ZNF804A: variants seen among roughly 807,000 people sequenced by gnomAD.
ZNF804A encodes zinc finger protein 804A.
Under a neutral mutation model 16.5 loss-of-function variants are expected in ZNF804A, and 2 were observed. The ratio of observed to expected loss-of-function variants is 0.12; its 90% CI spans 0.05 to 0.38. The LOEUF (loss-of-function observed/expected upper bound fraction) is 0.38, where lower values mean the gene tolerates loss of function less well. Among genes scored for constraint, ZNF804A ranks in the 10% least tolerant of loss-of-function variants. ZNF804A has a pLI of 0.99. For missense variants in ZNF804A, 1,473 were observed against 1,390.7 expected (o/e 1.06, Z -0.94); for synonymous variants, 534 against 489.6 (o/e 1.09, Z -1.20).
chr2:184,776,465 G>A (rs1470288343), intron 1 of ZNF804A, among the ~76,000 whole-genome samples: 1 of 150,832 alleles, frequency 6.6e-6, no homozygotes, highest in South Asian at 2.1e-4. Flanking sequence ...TTTGTTGGTT[G>A]ATTTATATAA....
intron 2 of ZNF804A, among the ~76,000 whole-genome samples, chr2:184,885,297 T>C (rs1309423522): frequency 1.3e-5 from 2 of 152,352 alleles, no homozygotes; most frequent in Middle Eastern, 3.4e-3. Context: ...CTCAAAGAAC[T>C]GAAAGCAGAA....
intron 1 of ZNF804A, among the ~76,000 whole-genome samples, chr2:184,692,396 C>T (rs1692746766): frequency 6.6e-6 from 1 of 152,166 alleles, no homozygotes; most frequent in African/African-American, 2.4e-5. Flanking sequence ...TTCCTGCCAA[C>T]CACCCATAAC....
At chr2:184,753,586 T>G (rs1175754810) in intron 1 of ZNF804A, among the ~76,000 whole-genome samples, 1 of 151,836 alleles carries the variant, frequency 6.6e-6, no homozygotes, top group Non-Finnish European at 1.5e-5. Context: ...CCTGTTGGAA[T>G]CTAATAGGTG....
At chr2:184,707,662 A>G (rs1479770602) in intron 1 of ZNF804A, among the ~76,000 whole-genome samples, 1 of 152,100 alleles carries the variant, frequency 6.6e-6, no homozygotes, top group African/African-American at 2.4e-5. Context: ...GTGTATATGT[A>G]TGATATATTC....
Position 184,775,082 on chromosome 2 carries a change from A to G in ZNF804A, c.112-91287A>G, listed in dbSNP as rs572882432. ...TGGTTATCATGATCTGCATTTCTTA[A>G]TATTTCTTTTTGACCTATTGTAAGT... On this transcript the variant is annotated intron_variant, in intron 1 of 3. Transcript: ENST00000302277. Among the ~76,000 whole-genome samples, 16 of 151,866 alleles carry G rather than the reference A, an allele frequency of 1.1e-4. 1 individual carries two copies. In the East Asian group the frequency reaches 3.1e-3, roughly 29 times the overall value.
At chr2:184,828,623 G>A (rs1221385054) in intron 1 of ZNF804A, among the ~76,000 whole-genome samples, 2 of 150,562 alleles carry the variant, frequency 1.3e-5, no homozygotes, top group Non-Finnish European at 3.0e-5. Flanking sequence ...ATAATTTTAG[G>A]TACTGTATTT....
At chr2:184,635,007 G>A (rs1050582162) in intron 1 of ZNF804A, among the ~76,000 whole-genome samples, 1 of 152,030 alleles carries the variant, frequency 6.6e-6, no homozygotes, top group Non-Finnish European at 1.5e-5. Context: ...CACAGAGATT[G>A]TATCTTTCCT....
intron 1 of ZNF804A, among the ~76,000 whole-genome samples, chr2:184,619,845 CAGTT>C (rs1220812055): frequency 4.0e-5 from 6 of 151,778 alleles, no homozygotes; most frequent in African/African-American, 1.2e-4. Flanking sequence ...GCAGAGAAGT[CAGTT>C]AATTATATAA....
intron 1 of ZNF804A, among the ~76,000 whole-genome samples, chr2:184,856,478 T>C (rs1695689219): frequency 6.6e-6 from 1 of 152,138 alleles, no homozygotes; most frequent in Non-Finnish European, 1.5e-5. Flanking sequence ...GGGTTGCTAC[T>C]GTGTTGCTTA....
At chr2:184,925,876 AT>A (rs1685602063) in intron 2 of ZNF804A, among the ~76,000 whole-genome samples, 1 of 151,408 alleles carries the variant, frequency 6.6e-6, no homozygotes, top group Non-Finnish European at 1.5e-5. Flanking sequence ...CTCCTATTTT[AT>A]TTTTTGTTGT....
chr2:184,939,470 T>C lies in ZNF804A; in HGVS notation c.*444T>C, dbSNP rs1373024708. 6.5e-6 allele frequency: 1 copy of C among 153,184 alleles called. No homozygotes were observed. The highest frequency in any genetic ancestry group is 2.1e-4 in the South Asian group (1 of 4,862). The allele number at this position is 153,184 out of a possible 1,614,324, so 9.5% of individuals were successfully genotyped here. On this transcript the variant is annotated 3_prime_UTR_variant, in exon 4 of 4. Coordinates refer to ENST00000302277, the MANE Select transcript of ZNF804A (RefSeq NM_194250.2). ...AGTGAAAAATATCTCTTGCAATAAA[T>C]TTTTGTTAACTATTTAAGTAAATCG...
intron 1 of ZNF804A, among the ~76,000 whole-genome samples, chr2:184,671,812 G>T (rs528254172): frequency 6.6e-6 from 1 of 152,150 alleles, no homozygotes; most frequent in Non-Finnish European, 1.5e-5. Context: ...AAATCTCTTT[G>T]CTGTTTTCTC....
intron 1 of ZNF804A, among the ~76,000 whole-genome samples, chr2:184,672,287 G>A (rs1692349847): frequency 2.0e-5 from 3 of 152,154 alleles, no homozygotes; most frequent in Admixed American, 6.5e-5. Flanking sequence ...AGAAAAATGA[G>A]AAACTGTAGA....
chr2:184,646,395 C>A (rs1691872740), intron 1 of ZNF804A, among the ~76,000 whole-genome samples: 1 of 152,158 alleles, frequency 6.6e-6, no homozygotes, highest in Admixed American at 6.5e-5. Context: ...TGTGCTCCAG[C>A]CTGCTCCCTT....
chr2:184,803,371 C>T (rs1694754076), intron 1 of ZNF804A, among the ~76,000 whole-genome samples: 1 of 151,938 alleles, frequency 6.6e-6, no homozygotes, highest in Non-Finnish European at 1.5e-5. Context: ...TTTTGATACC[C>T]CTTGCCTTCC....
chr2:184,756,035 T>C (rs1182083142), intron 1 of ZNF804A, among the ~76,000 whole-genome samples: 4 of 152,036 alleles, frequency 2.6e-5, no homozygotes, highest in Non-Finnish European at 4.4e-5. Context: ...ACAAACTGTA[T>C]GAACACAAGT....
chr2:184,884,003 G>A (rs1684850326), intron 2 of ZNF804A, among the ~76,000 whole-genome samples: 1 of 152,104 alleles, frequency 6.6e-6, no homozygotes, highest in Admixed American at 6.6e-5. Context: ...GATAGCAAAA[G>A]AGAAAGTCAA....
intron 1 of ZNF804A, among the ~76,000 whole-genome samples, chr2:184,830,578 G>A (rs187627752): frequency 5.8e-4 from 88 of 152,196 alleles, no homozygotes; most frequent in African/African-American, 2.1e-3. Flanking sequence ...AAGCAATGAT[G>A]CTGTGAAATG....
At chr2:184,831,860 G>C (rs1695266299) in intron 1 of ZNF804A, among the ~76,000 whole-genome samples, 1 of 151,732 alleles carries the variant, frequency 6.6e-6, no homozygotes, top group African/African-American at 2.4e-5. Flanking sequence ...TTAGATTCCT[G>C]GATAATGCCA....
Sources: gnomAD v4.1 joint callset for allele counts (sites outside exome capture counted in the v4.1 genomes callset) on GRCh38, gnomAD v4.1.1 for gene constraint, MANE v1.5 for transcripts, NCBI Gene and HGNC (gene_info 2026-07-23, HGNC 2026-07-21) for gene names.